The following IDI1 variants were observed in gnomAD, a reference collection of about 807,000 sequenced individuals.
IDI1 encodes the protein isopentenyl-diphosphate delta isomerase 1, also known as isopentenyl-diphosphate Delta-isomerase 1.
A neutral mutation model predicts 32.9 loss-of-function variants in IDI1; 23 were observed. That is an observed-to-expected ratio of 0.70 (90% confidence interval 0.50 to 0.99). The LOEUF (loss-of-function observed/expected upper bound fraction) is 0.99. Ranked by LOEUF, IDI1 falls within the 50% of genes least tolerant of loss-of-function variation. The probability of loss-of-function intolerance (pLI) is 0.00; values close to 1 mark genes in which losing one functional copy is unlikely to be tolerated. For synonymous variants in IDI1, 133 were observed against 128.2 expected, an observed-to-expected ratio of 1.04 and a Z score of -0.25; for missense variants, 326 against 351.9, an observed-to-expected ratio of 0.93 and a Z score of 0.59.
the IDI1 span, among the ~76,000 whole-genome samples, chr10:1,056,085 G>A: frequency 6.6e-6 from 1 of 152,144 alleles, no homozygotes; most frequent in Non-Finnish European, 1.5e-5. Context: ...GGGATTACAG[G>A]CGTGAGCCAC....
upstream of IDI1, among the ~76,000 whole-genome samples, chr10:1,051,802 TTAAAA>T (rs1243093230): frequency 1.3e-5 from 2 of 152,250 alleles, no homozygotes; most frequent in African/African-American, 2.4e-5. Context: ...TTGCAGTTTC[TTAAAA>T]TAAGACAATA....
the IDI1 span, among the ~76,000 whole-genome samples, chr10:1,056,105 C>A: frequency 1.3e-5 from 2 of 152,222 alleles, no homozygotes; most frequent in East Asian, 3.9e-4. Context: ...CCGCGCCTGG[C>A]CTTGAGCTTC....
intron 4 of IDI1, among the ~76,000 whole-genome samples, chr10:1,041,809 C>CTT (rs71297913): frequency 2.4e-4 from 33 of 134,724 alleles, no homozygotes; most frequent in Admixed American, 3.0e-4. Context: ...TCTTTTTCTT[C>CTT]TTTTTTTTTT....
intron 4 of IDI1, 89 bp downstream of exon 4, chr10:1,042,543 A>G: frequency 7.9e-7 from 1 of 1,273,640 alleles, no homozygotes; most frequent in Non-Finnish European, 1.1e-6. Flanking sequence ...CAAGCAGAGA[A>G]CTACATTTGA....
At chr10:1,054,743 G>A in the IDI1 span, among the ~76,000 whole-genome samples, 2 of 152,158 alleles carry the variant, frequency 1.3e-5, no homozygotes, top group Admixed American at 6.5e-5. Context: ...TCAAATTCAT[G>A]TGTTAAAGAC....
the IDI1 span, chr10:1,056,693 G>C: frequency 2.0e-5 from 3 of 152,334 alleles, no homozygotes; most frequent in African/African-American, 7.2e-5. Flanking sequence ...TCGGGGCTGC[G>C]GGGCGGAAGC....
intron 1 of IDI1, among the ~76,000 whole-genome samples, chr10:1,046,270 TATAAC>T (rs1832806904): frequency 6.6e-6 from 1 of 152,182 alleles, no homozygotes; most frequent in African/African-American, 2.4e-5. Flanking sequence ...TCCATAAAAT[TATAAC>T]AGAACTGACA....
chr10:1,048,206 CTAAGCTGCA>C, intron 1 of IDI1: 1 of 1,284,072 alleles, frequency 7.8e-7, no homozygotes. Context: ...GATTTTAAAG[CTAAGCTGCA>C]TAATCACAAG....
intron 1 of IDI1, among the ~76,000 whole-genome samples, chr10:1,047,932 C>T (rs1268152019): frequency 6.6e-6 from 1 of 151,972 alleles, no homozygotes; most frequent in Non-Finnish European, 1.5e-5. Context: ...GGATATGGAC[C>T]CCAAGGATAC....
intron 1 of IDI1, among the ~76,000 whole-genome samples, chr10:1,047,721 G>C (rs1001919698): frequency 2.0e-5 from 3 of 152,172 alleles, no homozygotes; most frequent in Admixed American, 1.3e-4. Context: ...ACCTAACAAT[G>C]AACTTCTCCA....
chr10:1,048,596 G>T (rs1470006140), intron 1 of IDI1: 4 of 1,379,580 alleles, frequency 2.9e-6, no homozygotes, highest in Non-Finnish European at 3.7e-6. Context: ...CGCAGACGAC[G>T]ATCTTTTCCG....
intron 1 of IDI1, chr10:1,048,571 C>A: frequency 7.4e-7 from 1 of 1,351,696 alleles, no homozygotes; most frequent in Non-Finnish European, 9.5e-7. Context: ...AGTTCCTAAA[C>A]CTCAGGTGAC....
At chr10:1,043,253 G>A in intron 3 of IDI1, 48 bp downstream of exon 3, 2 of 1,138,336 alleles carry the variant, frequency 1.8e-6, no homozygotes, top group Non-Finnish European at 2.6e-6. Flanking sequence ...ATGATAAAAA[G>A]TCAAATTAAT....
At chr10:1,052,031 C>G (rs1833027023), upstream of IDI1, among the ~76,000 whole-genome samples, 1 of 152,148 alleles carries the variant, frequency 6.6e-6, no homozygotes, top group Non-Finnish European at 1.5e-5. Flanking sequence ...TGCCACCATG[C>G]CCGGCTAATT....
chr10:1,049,989 G>C (rs1191995609), upstream of IDI1, among the ~76,000 whole-genome samples: 1 of 152,184 alleles, frequency 6.6e-6, no homozygotes, highest in Non-Finnish European at 1.5e-5. Context: ...TGTATGCGCA[G>C]CTGAAGCGAA....
rs1329228415 is a variant in IDI1, at chr10:1,049,005, G to A, written c.-2C>T. 5 of 1,487,650 alleles carry A rather than the reference G, an allele frequency of 3.4e-6. No homozygotes were observed. In the Admixed American group the frequency reaches 9.6e-5, roughly 29 times the overall value. 92.2% of individuals were successfully genotyped at this position (1,487,650 alleles called of 1,614,324 possible). A position where few individuals can be genotyped will look rare whatever the true frequency, so the allele number is the denominator to read the frequency against. ...CGCCAGCGCCAGTCCACGCCACATC[G>A]CCCGGCCAATTGGCGCCCGTACGCG... On this transcript the variant is annotated 5_prime_UTR_variant, in exon 1 of 5. Transcript: ENST00000381344.
upstream of IDI1, among the ~76,000 whole-genome samples, chr10:1,054,110 T>C (rs1833084616): frequency 6.6e-6 from 1 of 152,186 alleles, no homozygotes; most frequent in Admixed American, 6.5e-5. Context: ...ACTGATTTAA[T>C]AACGGAAACA....
chr10:1,039,415 ATGGTT>A (rs1832485324), exon 5 of IDI1: 1 of 152,296 alleles, frequency 6.6e-6, no homozygotes, highest in Non-Finnish European at 1.5e-5. Context: ...GGAGTTGGCA[ATGGTT>A]TGACCAGAAT....
upstream of IDI1, among the ~76,000 whole-genome samples, chr10:1,052,480 G>A (rs1033433027): frequency 3.3e-5 from 5 of 152,206 alleles, no homozygotes; most frequent in Non-Finnish European, 5.9e-5. Context: ...GGCTGCAAAA[G>A]GGATGTTGTG....
Sources: gnomAD v4.1 joint callset for allele counts (sites outside exome capture counted in the v4.1 genomes callset) on GRCh38, gnomAD v4.1.1 for gene constraint, MANE v1.5 for transcripts, NCBI Gene and HGNC (gene_info 2026-07-23, HGNC 2026-07-21) for gene names.